OR2J3: variants seen among roughly 807,000 people sequenced by gnomAD.
OR2J3 encodes the protein olfactory receptor 2J3.
In OR2J3, 13 loss-of-function variants were observed where a neutral mutation model predicts 18.5. The ratio of observed to expected loss-of-function variants is 0.70; its 90% CI spans 0.46 to 1.12. OR2J3 has a LOEUF of 1.12. Among genes scored for constraint, OR2J3 ranks in the 50% most tolerant of loss-of-function variants. OR2J3 has a pLI of 0.00. For missense variants in OR2J3, 321 were observed against 371.6 expected (o/e 0.86, Z 1.12); for synonymous variants, 142 against 140.6 (o/e 1.01, Z -0.07).
intron 3 of OR2J3, among the ~76,000 whole-genome samples, chr6:29,110,855 TTATCTATC>T (rs9280546): frequency 0.16 from 23,316 of 149,132 alleles, 1,926 homozygotes; most frequent in Non-Finnish European, 0.15. Flanking sequence ...ATCTATCTAT[TTATCTATC>T]TATCTATCTA....
In OR2J3 at chr6:29,112,267, A is replaced by T. The variant is rs1762163867; in HGVS notation, c.377A>T (p.Tyr126Phe). Reference protein sequence around the residue: ...VLLVVMSYDRYAAVCRPLHYT... With the variant: ...VLLVVMSYDRFAAVCRPLHYT... Reference sequence around the variant, plus strand: ...CTGGTGGTGATGTCCTATGACCGTTATGCAGCTGTGTGTAGACCTTTGCAT... The same window carrying T: ...CTGGTGGTGATGTCCTATGACCGTTTTGCAGCTGTGTGTAGACCTTTGCAT... Residue 126 changes from tyrosine (Y) to phenylalanine (F), a missense_variant, in exon 4 of 4, where the codon TAT becomes TTT. Coordinates refer to ENST00000641151, the MANE Select transcript of OR2J3 (RefSeq NM_001005216.4). 1.2e-6 allele frequency: 2 copies of T among 1,614,080 alleles called. No individual in the cohort carries two copies.
rs1562550975 is a variant in OR2J3, at chr6:29,113,803, ATG to A, written c.*981_*982del. ...ATAAGTATATTATGTATGTCAATAT[ATG>A]TGTTTCAAATAAAGAAATCTATTTT... On this transcript the variant is annotated 3_prime_UTR_variant, in exon 4 of 4. Coordinates refer to ENST00000641151, the MANE Select transcript of OR2J3 (RefSeq NM_001005216.4). 2.0e-5 allele frequency: 3 copies of A among 152,188 alleles called. No homozygotes were observed. The highest frequency in any genetic ancestry group is 7.2e-5 in the African/African-American group (3 of 41,442). The allele number at this position is 152,188 out of a possible 1,614,324, so 9.4% of individuals were successfully genotyped here.
Position 29,112,411 on chromosome 6 carries a change from A to T in OR2J3, c.521A>T (p.His174Leu). The T allele has an allele frequency of 6.2e-7, 1 of 1,614,064 alleles. No individual in the cohort carries two copies. The highest frequency in any genetic ancestry group is 2.2e-5 in the East Asian group (1 of 44,884). ...SFTFWVPLCGHRQVDHFFCEV... is the reference protein window; with the variant it reads ...SFTFWVPLCGLRQVDHFFCEV... ...ACCTTCTGGGTACCTCTGTGTGGACACCGCCAAGTAGATCACTTTTTCTGT... is the reference window on the plus strand; with the variant it reads ...ACCTTCTGGGTACCTCTGTGTGGACTCCGCCAAGTAGATCACTTTTTCTGT... Residue 174 changes from histidine to leucine, a missense_variant, in exon 4 of 4, where the codon CAC becomes CTC. By Grantham distance (99) the His-to-Leu change is moderately conservative (BLOSUM62 -3). Transcript: ENST00000641151.
At chr6:29,110,930 G>A (rs1334604766) in intron 3 of OR2J3, among the ~76,000 whole-genome samples, 1 of 151,822 alleles carries the variant, frequency 6.6e-6, no homozygotes. Context: ...CTAGTTGAGA[G>A]TAAGTTGGAG....
rs1417381129 is a variant in OR2J3 at position 29,113,891 on chromosome 6, G to A, written c.*1065G>A. On this transcript the variant is annotated 3_prime_UTR_variant, in exon 4 of 4. Coordinates refer to ENST00000641151, the MANE Select transcript of OR2J3 (RefSeq NM_001005216.4). ...AACCATCTTCGTTTGAAATAATTGC[G>A]CTATACCTAGAGCAATTTAAACTGA... is the stretch of plus-strand genomic sequence containing the variant. 1.3e-5 allele frequency: 2 copies of A among 151,974 alleles called. No homozygotes were observed. Among genetic ancestry groups the A allele is most frequent in the Non-Finnish European group, 2.9e-5 (2 of 68,012 alleles). The allele number at this position is 151,974 out of a possible 1,614,324, so 9.4% of individuals were successfully genotyped here.
rs1762266964 is a variant in OR2J3 at position 29,114,668 on chromosome 6, C to T, written c.*1842C>T. ...GTATTATTAGCTATAGTCACCATAC[C>T]GTAGAATAGATCTCTTGAATTTGTT... is the stretch of plus-strand genomic sequence containing the variant. On this transcript the variant is annotated 3_prime_UTR_variant, in exon 4 of 4. Transcript: ENST00000641151. 1 of 151,932 alleles carries T rather than the reference C, an allele frequency of 6.6e-6. No individual in the cohort carries two copies. Among genetic ancestry groups the T allele is most frequent in the Admixed American group, 6.6e-5 (1 of 15,246 alleles). The allele number at this position is 151,932 out of a possible 1,614,324, so 9.4% of individuals were successfully genotyped here.
rs750714843 is a variant in OR2J3, at chr6:29,112,213, TC to T, written c.324del (p.Ala109HisfsTer12). 3.7e-6 allele frequency: 6 copies of T among 1,614,074 alleles called. No individual in the cohort carries two copies. The highest frequency in any genetic ancestry group is 5.1e-6 in the Non-Finnish European group (6 of 1,180,044). On this transcript the variant is annotated frameshift_variant, in exon 4 of 4. Coordinates refer to ENST00000641151, the MANE Select transcript of OR2J3 (RefSeq NM_001005216.4). LOFTEE classifies it high-confidence loss of function. ...TGCATGATTCAACTTTACTTTGTTC[TC>T]GCACTGGGAACCACAGAGTGTGTCC... is the stretch of plus-strand genomic sequence containing the variant. ...AGCMIQLYFV[L>X]ALGTTECVLL...
chr6:29,113,803 A>C lies in OR2J3; in HGVS notation c.*977A>C, dbSNP rs907742946. ...ATAAGTATATTATGTATGTCAATAT[A>C]TGTGTTTCAAATAAAGAAATCTATT... On this transcript the variant is annotated 3_prime_UTR_variant, in exon 4 of 4. Coordinates refer to ENST00000641151, the MANE Select transcript of OR2J3 (RefSeq NM_001005216.4). 6.6e-6 allele frequency: 1 copy of C among 152,188 alleles called. No homozygotes were observed. 9.4% of individuals were successfully genotyped at this position (152,188 alleles called of 1,614,324 possible). A position where few individuals can be genotyped will look rare whatever the true frequency, so the allele number is the denominator to read the frequency against.
intron 3 of OR2J3, among the ~76,000 whole-genome samples, chr6:29,110,649 A>G (rs1762087832): frequency 6.6e-6 from 1 of 152,158 alleles, no homozygotes; most frequent in African/African-American, 2.4e-5. Context: ...TTATTTTTCT[A>G]TAATAAGGCA....
intron 3 of OR2J3, 26 bp from the exon 4 acceptor site, chr6:29,111,852 TGAG>T (rs1484138268): frequency 1.3e-6 from 2 of 1,546,516 alleles, no homozygotes; most frequent in Admixed American, 2.1e-5. Flanking sequence ...ACTCGTTTTT[TGAG>T]TTTACCTTTC....
In OR2J3 at chr6:29,112,487, G is replaced by A; in HGVS notation, c.597G>A (p.Glu199=). Residue 199 remains glutamate (E), a synonymous_variant, in exon 4 of 4, where the codon GAG becomes GAA. Coordinates refer to ENST00000641151, the MANE Select transcript of OR2J3 (RefSeq NM_001005216.4). ...CGTGTGTTGATACCCATGTCAATGA[G>A]CTGACCCTCATGATCACAAGCTCCA... The part of the protein sequence containing the change: ...RLSCVDTHVN[E]LTLMITSSIF... The A allele has an allele frequency of 6.2e-7, 1 of 1,614,108 alleles. No individual in the cohort carries two copies. The highest frequency in any genetic ancestry group is 1.3e-5 in the African/African-American group (1 of 75,028).
intron 3 of OR2J3, among the ~76,000 whole-genome samples, chr6:29,110,374 C>T (rs3116838): frequency 0.78 from 118,452 of 152,132 alleles, 46,770 homozygotes; most frequent in Non-Finnish European, 0.84. Flanking sequence ...TTTCTTTAGG[C>T]GAACATTTTG....
chr6:29,109,744 A>G (rs896914825), intron 3 of OR2J3: 3 of 152,158 alleles, frequency 2.0e-5, no homozygotes, highest in African/African-American at 7.2e-5. Flanking sequence ...ACTGGAGAAA[A>G]AGCATCACCT....
chr6:29,111,766 A>G (rs1375632434), intron 3 of OR2J3, 115 bp from the exon 4 acceptor site: 10 of 895,278 alleles, frequency 1.1e-5, no homozygotes, highest in Non-Finnish European at 1.7e-5. Flanking sequence ...TTGTCCTACA[A>G]TTAAATGATG....
In OR2J3 at chr6:29,112,703, A is replaced by T. The variant is rs1581916163; in HGVS notation, c.813A>T (p.Gln271His). The T allele has an allele frequency of 6.2e-7, 1 of 1,614,102 alleles. No homozygotes were observed. Among genetic ancestry groups the T allele is most frequent in the Non-Finnish European group, 8.5e-7 (1 of 1,180,002 alleles). Residue 271 changes from glutamine (Q) to histidine (H), a missense_variant, in exon 4 of 4, where the codon CAA becomes CAT. By Grantham distance (24) the Gln-to-His change is conservative. Transcript: ENST00000641151. ...MYLQPPSGNS[Q>H]DQGKFIALFY... ...TCCAGCCACCATCAGGAAATTCTCA[A>T]GATCAAGGCAAGTTCATTGCCCTCT...
In OR2J3 at chr6:29,112,339, C is replaced by T. The variant is rs756573314; in HGVS notation, c.449C>T (p.Ala150Val). Residue 150 changes from alanine to valine, a missense_variant, in exon 4 of 4, where the codon GCT (alanine) becomes GTT (valine). Physicochemically the swap from Ala to Val is moderately conservative, Grantham distance 64. Coordinates refer to ENST00000641151, the MANE Select transcript of OR2J3 (RefSeq NM_001005216.4). ...HPRFCHLLAV[A>V]SWVSGFTNSA... ...CGTTTCTGCCACCTGCTGGCTGTGG[C>T]TTCTTGGGTAAGTGGTTTTACCAAC... The T allele has an allele frequency of 1.9e-5, 31 of 1,614,208 alleles. No homozygotes were observed. The highest frequency in any genetic ancestry group is 2.4e-5 in the Non-Finnish European group (28 of 1,180,042).
rs1167711043 is a variant in OR2J3, at chr6:29,111,936, A to G, written c.46A>G (p.Ile16Val). 1 of 1,613,614 alleles carries G rather than the reference A, an allele frequency of 6.2e-7. No homozygotes were observed. The highest frequency in any genetic ancestry group is 8.5e-7 in the Non-Finnish European group (1 of 1,179,856). Reference protein sequence around the residue: ...KVNASSEGYFILVGFSNWPHL... With the variant: ...KVNASSEGYFVLVGFSNWPHL... ...CAATGCTAGCTCTGAGGGGTACTTTATTTTAGTTGGATTTTCTAATTGGCC... is the reference window on the plus strand; with the variant it reads ...CAATGCTAGCTCTGAGGGGTACTTTGTTTTAGTTGGATTTTCTAATTGGCC... The change falls in exon 4 of 4, where the codon ATT becomes GTT. Residue 16 changes from isoleucine (I) to valine (V), a missense_variant. Transcript: ENST00000641151.
rs1159562896 is a variant in OR2J3 at position 29,110,577 on chromosome 6, A to G, written c.-10-1304A>G. ...GGAAATTATCTTCCTTAGCTAGGTT[A>G]GGAATTTCCTTCAATTACCATTTAC... is the stretch of plus-strand genomic sequence containing the variant. On this transcript the variant is annotated intron_variant, in intron 3 of 3. Transcript: ENST00000641151. Among the ~76,000 whole-genome samples, 3 of 152,184 alleles carry G rather than the reference A, an allele frequency of 2.0e-5. No homozygotes were observed. The East Asian group carries it at 5.8e-4, about 29-fold the overall frequency.
At chr6:29,109,543 C>T (rs539876875) in intron 3 of OR2J3, 1 of 151,982 alleles carries the variant, frequency 6.6e-6, no homozygotes, top group Non-Finnish European at 1.5e-5. Flanking sequence ...TCTTCCTGTG[C>T]CATAGCCAAT....
Sources: allele counts gnomAD v4.1 joint callset (sites outside exome capture counted in the v4.1 genomes callset), GRCh38; gene constraint gnomAD v4.1.1; transcripts MANE v1.5; gene names NCBI Gene and HGNC (gene_info 2026-07-23, HGNC 2026-07-21).